TMTC2: variants seen among roughly 807,000 people sequenced by gnomAD.
TMTC2 encodes transmembrane O-mannosyltransferase targeting cadherins 2.
Under a neutral mutation model 82.4 loss-of-function variants are expected in TMTC2, and 43 were observed. The observed-to-expected ratio is 0.52, with a 90% confidence interval of 0.41 to 0.67. The LOEUF (loss-of-function observed/expected upper bound fraction) is 0.67, where lower values mean the gene tolerates loss of function less well. Among genes scored for constraint, TMTC2 ranks in the 30% least tolerant of loss-of-function variants. The pLI is 0.00. For missense variants in TMTC2, 919 were observed against 1,012.4 expected, an observed-to-expected ratio of 0.91 and a Z score of 1.25; for synonymous variants, 408 against 381.9, an observed-to-expected ratio of 1.07 and a Z score of -0.80.
intron 4 of TMTC2, among the ~76,000 whole-genome samples, chr12:82,958,916 C>T (rs932048020): frequency 1.3e-5 from 2 of 152,054 alleles, no homozygotes; most frequent in African/African-American, 4.8e-5. Flanking sequence ...TTAATCTATA[C>T]TCAGAAAACC....
chr12:82,779,965 C>T (rs981293643), intron 1 of TMTC2, among the ~76,000 whole-genome samples: 10 of 152,052 alleles, frequency 6.6e-5, no homozygotes, highest in African/African-American at 2.2e-4. Context: ...TGAGACTCAT[C>T]CATTCGACTG....
At chr12:82,972,068 A>G (rs2137314599) in intron 7 of TMTC2, among the ~76,000 whole-genome samples, 1 of 152,300 alleles carries the variant, frequency 6.6e-6, no homozygotes, top group South Asian at 2.1e-4. Context: ...AAAACAAACA[A>G]GAGAAACTCA....
At chr12:82,716,969 G>C (rs1032463535) in intron 1 of TMTC2, among the ~76,000 whole-genome samples, 4 of 152,096 alleles carry the variant, frequency 2.6e-5, no homozygotes, top group African/African-American at 9.7e-5. Context: ...TACTTACCTG[G>C]TCCTGTAGAA....
chr12:82,971,823 A>AC (rs1194917734), intron 7 of TMTC2, among the ~76,000 whole-genome samples: 1 of 151,652 alleles, frequency 6.6e-6, no homozygotes, highest in Non-Finnish European at 1.5e-5. Context: ...AAAAAAAAAA[A>AC]ATTAAGTCAT....
intron 4 of TMTC2, among the ~76,000 whole-genome samples, chr12:82,956,029 T>C (rs1273921662): frequency 6.6e-6 from 1 of 152,100 alleles, no homozygotes; most frequent in Non-Finnish European, 1.5e-5. Context: ...ATGGACTTAC[T>C]GCCACATTAA....
chr12:82,805,210 C>G (rs556222926), intron 1 of TMTC2, among the ~76,000 whole-genome samples: 1 of 152,208 alleles, frequency 6.6e-6, no homozygotes, highest in South Asian at 2.1e-4. Flanking sequence ...GGTAAAAATA[C>G]CTTCAGATAA....
intron 1 of TMTC2, among the ~76,000 whole-genome samples, chr12:82,806,357 G>A (rs959698062): frequency 2.0e-4 from 31 of 152,138 alleles, no homozygotes; most frequent in African/African-American, 7.5e-4. Context: ...GGCAACCATA[G>A]TCAAATTCCT....
At chr12:82,697,553 A>G (rs1872870612) in intron 1 of TMTC2, among the ~76,000 whole-genome samples, 1 of 152,074 alleles carries the variant, frequency 6.6e-6, no homozygotes, top group South Asian at 2.1e-4. Context: ...AGTTTATTTA[A>G]TCTGTGTTTT....
At chr12:82,928,378 T>G (rs1875839949) in intron 3 of TMTC2, among the ~76,000 whole-genome samples, 1 of 152,196 alleles carries the variant, frequency 6.6e-6, no homozygotes, top group African/African-American at 2.4e-5. Flanking sequence ...GGATATCTTA[T>G]TAATTTGTGG....
chr12:82,760,531 A>G (rs1267257493), intron 1 of TMTC2, among the ~76,000 whole-genome samples: 1 of 134,364 alleles, frequency 7.4e-6, no homozygotes, highest in Non-Finnish European at 1.5e-5. Context: ...GAAGCTAAGC[A>G]TTTCTCCAGA....
chr12:82,790,439 T>A (rs1027814977), intron 1 of TMTC2, among the ~76,000 whole-genome samples: 6 of 152,204 alleles, frequency 3.9e-5, no homozygotes, highest in South Asian at 2.1e-4. Context: ...TAGCATTTTT[T>A]AAAAAACTAT....
At chr12:82,928,111 G>A (rs993103450) in intron 3 of TMTC2, among the ~76,000 whole-genome samples, 1 of 151,266 alleles carries the variant, frequency 6.6e-6, no homozygotes, top group African/African-American at 2.4e-5. Flanking sequence ...TTATTTCATT[G>A]GAAATAATGC....
At chr12:82,949,639 C>T (rs890851446) in intron 4 of TMTC2, among the ~76,000 whole-genome samples, 4 of 152,188 alleles carry the variant, frequency 2.6e-5, no homozygotes, top group African/African-American at 9.7e-5. Context: ...CCTTATTCTT[C>T]ATCTGCAACA....
chr12:83,128,986 G>C (rs1338574419), intron 11 of TMTC2, among the ~76,000 whole-genome samples: 1 of 152,102 alleles, frequency 6.6e-6, no homozygotes, highest in Non-Finnish European at 1.5e-5. Flanking sequence ...CAGTTATCTA[G>C]GGCGATGATA....
chr12:82,783,290 CTGTGTGTGTG>C (rs72110651), intron 1 of TMTC2, among the ~76,000 whole-genome samples: 5 of 119,368 alleles, frequency 4.2e-5, no homozygotes, highest in Admixed American at 2.0e-4. Context: ...GTATATGCCT[CTGTGTGTGTG>C]TGTGTGTGTG....
intron 3 of TMTC2, among the ~76,000 whole-genome samples, chr12:82,900,846 G>T (rs1873962896): frequency 8.1e-6 from 1 of 123,478 alleles, no homozygotes; most frequent in Non-Finnish European, 1.6e-5. Flanking sequence ...ATATATATAG[G>T]AATATATATA....
chr12:82,786,503 T>C (rs1878180882), intron 1 of TMTC2, among the ~76,000 whole-genome samples: 1 of 152,160 alleles, frequency 6.6e-6, no homozygotes, highest in East Asian at 1.9e-4. Flanking sequence ...ATTTGTACTT[T>C]GAAAATTACT....
At chr12:82,792,316 G>A (rs1326187102) in intron 1 of TMTC2, among the ~76,000 whole-genome samples, 1 of 151,890 alleles carries the variant, frequency 6.6e-6, no homozygotes, top group Non-Finnish European at 1.5e-5. Flanking sequence ...CCATTTTAAA[G>A]TGTATGACTC....
intron 1 of TMTC2, among the ~76,000 whole-genome samples, chr12:82,748,686 A>G (rs1875816722): frequency 6.6e-6 from 1 of 152,122 alleles, no homozygotes; most frequent in African/African-American, 2.4e-5. Flanking sequence ...GACCAGCCTG[A>G]TCAACATGGT....
Sources: allele counts gnomAD v4.1 joint callset (sites outside exome capture counted in the v4.1 genomes callset), GRCh38; gene constraint gnomAD v4.1.1; transcripts MANE v1.5; gene names NCBI Gene and HGNC (gene_info 2026-07-23, HGNC 2026-07-21).